ACOT7: variants seen among roughly 807,000 people sequenced by gnomAD.
ACOT7 encodes cytosolic acyl coenzyme A thioester hydrolase.
ACOT7 carries 12 observed loss-of-function variants against 40.2 expected under a neutral mutation model. The ratio of observed to expected loss-of-function variants is 0.30; its 90% CI spans 0.19 to 0.48. The LOEUF (loss-of-function observed/expected upper bound fraction) is 0.48, where lower values mean the gene tolerates loss of function less well. Ranked by LOEUF, ACOT7 falls within the 20% of genes least tolerant of loss-of-function variation. The pLI, the probability that ACOT7 is intolerant of heterozygous loss-of-function variation, is 0.99. For missense variants in ACOT7, 395 were observed against 530.8 expected (o/e 0.74, Z 2.51); for synonymous variants, 228 against 219.5 (o/e 1.04, Z -0.34).
intron 1 of ACOT7, among the ~76,000 whole-genome samples, chr1:6,374,517 C>T (rs530205332): frequency 4.6e-5 from 7 of 152,354 alleles, no homozygotes; most frequent in African/African-American, 1.7e-4. Context: ...GCCAAGGACT[C>T]TGCCTTGCCC....
At chr1:6,388,855 A>G (rs1642485282) in intron 1 of ACOT7, among the ~76,000 whole-genome samples, 1 of 151,528 alleles carries the variant, frequency 6.6e-6, no homozygotes, top group African/African-American at 2.4e-5. Flanking sequence ...TGGCTAACAC[A>G]GTGAAACCCC....
At chr1:6,326,906 T>C (rs1276106547) in intron 5 of ACOT7, among the ~76,000 whole-genome samples, 1 of 147,584 alleles carries the variant, frequency 6.8e-6, no homozygotes, top group African/African-American at 2.5e-5. Flanking sequence ...CACTCCAGCT[T>C]GTGTGACATA....
At chr1:6,281,476 GA>G (rs1199629755) in intron 7 of ACOT7, among the ~76,000 whole-genome samples, 190 bp from the exon 8 acceptor site, 1 of 152,254 alleles carries the variant, frequency 6.6e-6, no homozygotes, top group Non-Finnish European at 1.5e-5. Flanking sequence ...TCTTTCTAGT[GA>G]GCAGGTTTAT....
At chr1:6,348,023 C>T (rs749313911) in intron 2 of ACOT7, among the ~76,000 whole-genome samples, 2 of 152,108 alleles carry the variant, frequency 1.3e-5, no homozygotes, top group Non-Finnish European at 2.9e-5. Context: ...CCCTCACTGT[C>T]TCTCTCTGGA....
chr1:6,371,523 C>T (rs1642133956), intron 1 of ACOT7, among the ~76,000 whole-genome samples: 2 of 151,836 alleles, frequency 1.3e-5, no homozygotes, highest in Admixed American at 6.6e-5. Flanking sequence ...CCACCACACT[C>T]AGCTAATTTT....
Position 6,359,579 on chromosome 1 carries a change from G to A in ACOT7, c.144-9713C>T, listed in dbSNP as rs1641841745. ...CTTAGGCTGCCGGCTGCCACCTGTG[G>A]GCCCTGTGCCCCCCAACCCGTACTC... On this transcript the variant is annotated intron_variant, in intron 1 of 8. Transcript: ENST00000361521. The surrounding 1 kb of genome is among the most constrained non-coding windows in gnomAD (Gnocchi z 4.1). Among the ~76,000 whole-genome samples, 1 of 152,038 alleles carries A rather than the reference G, an allele frequency of 6.6e-6. No homozygotes were observed. The highest frequency in any genetic ancestry group is 6.6e-5 in the Admixed American group (1 of 15,264).
At chr1:6,385,166 G>A (rs1642413683) in intron 1 of ACOT7, among the ~76,000 whole-genome samples, 1 of 151,892 alleles carries the variant, frequency 6.6e-6, no homozygotes, top group Non-Finnish European at 1.5e-5. Context: ...ACGGATGCCA[G>A]CTGCCAGCTG....
intron 5 of ACOT7, among the ~76,000 whole-genome samples, chr1:6,326,745 G>C (rs1408186534): frequency 2.6e-5 from 4 of 152,018 alleles, no homozygotes; most frequent in Admixed American, 6.6e-5. Flanking sequence ...GGCCAATATG[G>C]TGAAACCCCA....
chr1:6,281,605 G>A (rs1234275906), intron 7 of ACOT7, among the ~76,000 whole-genome samples: 1 of 152,206 alleles, frequency 6.6e-6, no homozygotes, highest in East Asian at 1.9e-4. Flanking sequence ...GAGCCACTGT[G>A]CCCCCACGGG....
rs1193778023 is a variant in ACOT7 at position 6,352,943 on chromosome 1, A to G, written c.144-3077T>C. 6.6e-6 allele frequency among the ~76,000 whole-genome samples: 1 copy of G among 151,960 alleles called. No homozygotes were observed. The highest frequency in any genetic ancestry group is 1.5e-5 in the Non-Finnish European group (1 of 68,002). ...ACCCAGGCTGGAGTACAGTGGCATGATCTTGGCTCACTGCAAACTCCGTCT... is the reference window on the plus strand; with the variant it reads ...ACCCAGGCTGGAGTACAGTGGCATGGTCTTGGCTCACTGCAAACTCCGTCT... On this transcript the variant is annotated intron_variant, in intron 1 of 8. Transcript: ENST00000361521. This position sits in a 1 kb window ranked among gnomAD's most constrained non-coding sequence, Gnocchi z 4.5.
intron 8 of ACOT7, among the ~76,000 whole-genome samples, chr1:6,280,588 G>A (rs1397752461): frequency 1.3e-5 from 2 of 152,164 alleles, no homozygotes; most frequent in African/African-American, 4.8e-5. Context: ...TCAGCCCAGA[G>A]CCCACCAGCC....
chr1:6,279,199 A>C (rs796185455), intron 8 of ACOT7, among the ~76,000 whole-genome samples: 16 of 152,366 alleles, frequency 1.1e-4, no homozygotes, highest in African/African-American at 3.1e-4. Context: ...TCAAGGACAG[A>C]GGAGGCTGGA....
Position 6,275,929 on chromosome 1 carries a change from T to C in ACOT7, c.1014+5173A>G, listed in dbSNP as rs942839170. The stretch of plus-strand genomic sequence containing the variant: ...TGCTTTGCAAAGACCCTGCCCTGCA[T>C]AATGTGGTTGCACAGTTGGAGCCTC... On this transcript the variant is annotated intron_variant, in intron 8 of 8. Transcript: ENST00000361521. This position sits in a 1 kb window ranked among gnomAD's most constrained non-coding sequence, Gnocchi z 5.6. Among the ~76,000 whole-genome samples the C allele has an allele frequency of 6.6e-6, 1 of 152,114 alleles. No homozygotes were observed. The highest frequency in any genetic ancestry group is 6.5e-5 in the Admixed American group (1 of 15,276).
chr1:6,349,125 G>C (rs1303649540), intron 2 of ACOT7, among the ~76,000 whole-genome samples: 1 of 152,208 alleles, frequency 6.6e-6, no homozygotes, highest in African/African-American at 2.4e-5. Context: ...GCTGGGGATG[G>C]CTGAATGTCC....
At chr1:6,312,767 C>G (rs552061972) in intron 6 of ACOT7, among the ~76,000 whole-genome samples, 3 of 152,236 alleles carry the variant, frequency 2.0e-5, no homozygotes, top group African/African-American at 7.2e-5. Context: ...CGCACCTGGC[C>G]GATGTACTAA....
chr1:6,375,250 G>T (rs534926294), intron 1 of ACOT7, among the ~76,000 whole-genome samples: 1 of 142,386 alleles, frequency 7.0e-6, no homozygotes, highest in African/African-American at 2.7e-5. Context: ...GCGACAGAGC[G>T]AGACTCCTCT....
chr1:6,292,728 C>CTGGAGTGT (rs1639705526), intron 7 of ACOT7, among the ~76,000 whole-genome samples: 2 of 148,070 alleles, frequency 1.4e-5, no homozygotes, highest in African/African-American at 5.0e-5. Flanking sequence ...GTTGCCCAGG[C>CTGGAGTGT]TGGAGTGTGG....
At chr1:6,349,207 G>A (rs1395307467) in intron 2 of ACOT7, among the ~76,000 whole-genome samples, 1 of 152,140 alleles carries the variant, frequency 6.6e-6, no homozygotes, top group African/African-American at 2.4e-5. Flanking sequence ...GGGCCCTCCC[G>A]AGCTACACAA....
chr1:6,323,608 C>T (rs1640707343), intron 5 of ACOT7, among the ~76,000 whole-genome samples: 1 of 151,110 alleles, frequency 6.6e-6, no homozygotes, highest in African/African-American at 2.4e-5. Flanking sequence ...ATCCCAGCTA[C>T]TCAGGAGGCT....
Sources: gnomAD v4.1 joint callset for allele counts (sites outside exome capture counted in the v4.1 genomes callset) on GRCh38, gnomAD v4.1.1 for gene constraint, Gnocchi (gnomAD v3.1) non-coding constraint, MANE v1.5 for transcripts, NCBI Gene and HGNC (gene_info 2026-07-23, HGNC 2026-07-21) for gene names.